The following PTPN4 variants were observed in gnomAD, a reference collection of about 807,000 sequenced individuals.
The protein encoded by PTPN4 is tyrosine-protein phosphatase non-receptor type 4.
PTPN4 carries 49 observed loss-of-function variants against 135.5 expected under a neutral mutation model. The observed-to-expected ratio is 0.36, with a 90% CI of 0.29 to 0.46. The LOEUF is 0.46. Among genes scored for constraint, PTPN4 ranks in the 20% least tolerant of loss-of-function variants. The pLI is 1.00. For missense variants in PTPN4, 860 were observed against 1,101.0 expected (o/e 0.78, Z 3.10); for synonymous variants, 333 against 369.9 (o/e 0.90, Z 1.14).
chr2:119,804,300 T>G (rs1051483299), intron 1 of PTPN4, among the ~76,000 whole-genome samples: 1 of 152,084 alleles, frequency 6.6e-6, no homozygotes, highest in African/African-American at 2.4e-5. Context: ...TTAATTATAC[T>G]TTAAGTTCTA....
chr2:119,924,479 T>A (rs996259567), intron 12 of PTPN4, among the ~76,000 whole-genome samples: 7 of 138,530 alleles, frequency 5.1e-5, no homozygotes, highest in African/African-American at 2.4e-4. Context: ...GTAAAAACAA[T>A]TTTTTTGTTC....
intron 1 of PTPN4, among the ~76,000 whole-genome samples, chr2:119,784,562 A>G (rs1558724587): frequency 6.7e-6 from 1 of 150,252 alleles, no homozygotes; most frequent in African/African-American, 2.4e-5. Context: ...AATTTTTTGT[A>G]TTTTTTAGTA....
rs1035105033 is a variant in PTPN4 at position 119,961,975 on chromosome 2, T to G, written c.2281-641T>G. ...AATGGGAATGTTCTAAAAGGGATTG[T>G]GGTGATGGTTGCACAGTTCTGTGAA... is the stretch of plus-strand genomic sequence containing the variant. On this transcript the variant is annotated intron_variant, in intron 23 of 26. Transcript: ENST00000263708. 3.7e-4 allele frequency among the ~76,000 whole-genome samples: 57 copies of G among 152,162 alleles called. 1 individual carries two copies. The highest frequency in any genetic ancestry group is 1.3e-3 in the African/African-American group (53 of 41,434).
chr2:119,791,344 G>C (rs1055212625), intron 1 of PTPN4: 3 of 152,136 alleles, frequency 2.0e-5, no homozygotes, highest in African/African-American at 7.3e-5. Context: ...TGGTTGGCCA[G>C]GATGGTCTCA....
At chr2:119,802,831 C>T (rs1691399554) in intron 1 of PTPN4, among the ~76,000 whole-genome samples, 1 of 152,068 alleles carries the variant, frequency 6.6e-6, no homozygotes, top group Non-Finnish European at 1.5e-5. Context: ...CCAGGAAACC[C>T]TCTGTGTTTG....
At chr2:119,882,260 T>C in intron 7 of PTPN4, 111 bp downstream of exon 7, 2 of 1,153,130 alleles carry the variant, frequency 1.7e-6, no homozygotes, top group South Asian at 2.7e-5. Flanking sequence ...TAGAAAATAG[T>C]GACTGCAGTG....
At chr2:119,887,809 T>C (rs1382160021) in intron 9 of PTPN4, among the ~76,000 whole-genome samples, 1 of 152,096 alleles carries the variant, frequency 6.6e-6, no homozygotes, top group Admixed American at 6.5e-5. Context: ...ATCAGGTAAT[T>C]TGATGCTTTG....
rs753712666 is a variant in PTPN4, at chr2:119,777,221, A to ACAC, written c.-18+16839_-18+16841dup. Among the ~76,000 whole-genome samples, 41 of 152,164 alleles carry ACAC rather than the reference A, an allele frequency of 2.7e-4. No individual in the cohort carries two copies. In the East Asian group the frequency reaches 5.0e-3, roughly 19 times the overall value. The stretch of plus-strand genomic sequence containing the variant: ...ATGTTTGTTCTTCCTTCTGCCTTGA[A>ACAC]CACCCACCTTTCTCCCAAGTGTTCC... On this transcript the variant is annotated intron_variant, in intron 1 of 26. Transcript: ENST00000263708.
chr2:119,969,559 T>TC (rs1335694698), intron 26 of PTPN4, among the ~76,000 whole-genome samples: 2 of 72,946 alleles, frequency 2.7e-5, no homozygotes, highest in East Asian at 3.1e-4. Flanking sequence ...TTTCTTTTTT[T>TC]TTTTTTTTTT....
chr2:119,935,879 A>G (rs939829830), intron 15 of PTPN4, among the ~76,000 whole-genome samples: 17 of 152,232 alleles, frequency 1.1e-4, no homozygotes, highest in Non-Finnish European at 2.2e-4. Context: ...TGCAGGAATC[A>G]AAAAGCCTAA....
chr2:119,810,718 A>G (rs1574346705), intron 2 of PTPN4, among the ~76,000 whole-genome samples: 2 of 152,160 alleles, frequency 1.3e-5, no homozygotes, highest in East Asian at 1.9e-4. Flanking sequence ...TTTTCAACCT[A>G]TATGGAAAAG....
chr2:119,966,947 G>A (rs1679453321), intron 25 of PTPN4, among the ~76,000 whole-genome samples: 1 of 152,182 alleles, frequency 6.6e-6, no homozygotes, highest in Admixed American at 6.5e-5. Flanking sequence ...ATATCTTGAG[G>A]TATCTCTTTA....
Position 119,926,682 on chromosome 2 carries a change from T to C in PTPN4, c.1070+16T>C. ...TATTTGCAAGGTAAGCCAAATCTGT[T>C]TCATTGTTTGAATTTTTTTAAAAAG... On this transcript the variant is annotated intron_variant, in intron 13 of 26. Coordinates refer to ENST00000263708, the MANE Select transcript of PTPN4 (RefSeq NM_002830.4). 2.6e-6 allele frequency: 4 copies of C among 1,563,250 alleles called. No individual in the cohort carries two copies. The South Asian group carries it at 3.6e-5, about 14-fold the overall frequency.
intron 2 of PTPN4, among the ~76,000 whole-genome samples, chr2:119,847,350 A>G (rs1437307164): frequency 7.3e-6 from 1 of 137,614 alleles, no homozygotes; most frequent in African/African-American, 2.8e-5. Context: ...TTTTTGAGAC[A>G]GAGTTTTGCT....
chr2:119,809,192 C>G (rs916834166), intron 1 of PTPN4, among the ~76,000 whole-genome samples: 71 of 151,762 alleles, frequency 4.7e-4, no homozygotes, highest in African/African-American at 1.7e-3. Flanking sequence ...CTTTAAACAT[C>G]TAGTATCGCT....
At chr2:119,927,923 A>G (rs771026692) in intron 13 of PTPN4, among the ~76,000 whole-genome samples, 3 of 152,120 alleles carry the variant, frequency 2.0e-5, no homozygotes, top group Admixed American at 1.3e-4. Context: ...CAAAAGTGGA[A>G]ATTGCTTTTT....
chr2:119,908,003 G>A (rs1678514106), intron 10 of PTPN4, among the ~76,000 whole-genome samples: 1 of 152,142 alleles, frequency 6.6e-6, no homozygotes, highest in African/African-American at 2.4e-5. Context: ...ACTGCTAAAT[G>A]AACATAGAGG....
intron 9 of PTPN4, among the ~76,000 whole-genome samples, chr2:119,896,364 C>T (rs1023516324): frequency 1.3e-5 from 2 of 152,136 alleles, no homozygotes; most frequent in African/African-American, 4.8e-5. Flanking sequence ...TAGAATTTAC[C>T]TGTAAAGCAC....
At chr2:119,795,855 G>A (rs915352753) in intron 1 of PTPN4, among the ~76,000 whole-genome samples, 6 of 152,240 alleles carry the variant, frequency 3.9e-5, no homozygotes, top group Non-Finnish European at 8.8e-5. Context: ...CTCCCTCACT[G>A]GTGGGTGACT....
Sources: gnomAD v4.1 joint callset for allele counts (sites outside exome capture counted in the v4.1 genomes callset) on GRCh38, gnomAD v4.1.1 for gene constraint, MANE v1.5 for transcripts, NCBI Gene and HGNC (gene_info 2026-07-23, HGNC 2026-07-21) for gene names.